Variants in MTUS2 observed in about 807,000 individuals in gnomAD.
MTUS2 encodes microtubule-associated tumor suppressor candidate 2.
In MTUS2, 40 loss-of-function variants were observed where a neutral mutation model predicts 114.1. The ratio of observed to expected loss-of-function variants is 0.35; its 90% CI spans 0.27 to 0.46. The LOEUF (loss-of-function observed/expected upper bound fraction) is 0.46. Ranked by LOEUF, MTUS2 falls within the 20% of genes least tolerant of loss-of-function variation. The probability of loss-of-function intolerance (pLI) is 1.00; values close to 1 mark genes in which losing one functional copy is unlikely to be tolerated. For synonymous variants in MTUS2, 688 were observed against 672.0 expected, an observed-to-expected ratio of 1.02 and a Z score of -0.37; for missense variants, 1,679 against 1,705.4, an observed-to-expected ratio of 0.98 and a Z score of 0.27.
At chr13:29,196,316 T>A (rs1042474396) in intron 5 of MTUS2, among the ~76,000 whole-genome samples, 4 of 152,194 alleles carry the variant, frequency 2.6e-5, no homozygotes, top group African/African-American at 7.2e-5. Context: ...CAGGCTGGTC[T>A]CGAACTCCTG....
chr13:28,956,384 G>A (rs983965917), intron 2 of MTUS2, among the ~76,000 whole-genome samples: 1 of 152,102 alleles, frequency 6.6e-6, no homozygotes, highest in African/African-American at 2.4e-5. Flanking sequence ...CAGTTCAATA[G>A]GGCGGCAGCA....
chr13:29,403,147 T>C (rs939282685), intron 8 of MTUS2, among the ~76,000 whole-genome samples: 1 of 152,214 alleles, frequency 6.6e-6, no homozygotes, highest in Non-Finnish European at 1.5e-5. Flanking sequence ...TATCCTCCAA[T>C]TCAAATTAAG....
intron 7 of MTUS2, among the ~76,000 whole-genome samples, chr13:29,338,163 G>C (rs1449777804): frequency 6.6e-6 from 1 of 151,998 alleles, no homozygotes; most frequent in East Asian, 1.9e-4. Flanking sequence ...ATGATACACA[G>C]TTTTCCCCGA....
chr13:29,370,098 C>T (rs1298152123), intron 8 of MTUS2, among the ~76,000 whole-genome samples: 1 of 152,052 alleles, frequency 6.6e-6, no homozygotes, highest in African/African-American at 2.4e-5. Flanking sequence ...GCCTATAATC[C>T]CAGCACTTTG....
At chr13:29,297,348 G>A (rs1358044266) in intron 6 of MTUS2, among the ~76,000 whole-genome samples, 5 of 152,008 alleles carry the variant, frequency 3.3e-5, no homozygotes, top group Admixed American at 2.0e-4. Flanking sequence ...TTTTAAAAAA[G>A]ATACGTTTGT....
intron 2 of MTUS2, among the ~76,000 whole-genome samples, chr13:28,922,541 C>T (rs1436318853): frequency 6.6e-6 from 1 of 152,156 alleles, no homozygotes; most frequent in Non-Finnish European, 1.5e-5. Context: ...ATGCCTGGTC[C>T]AAATGCTCCC....
At chr13:29,274,102 TTTTGTTTGTTTG>T (rs58871176) in intron 5 of MTUS2, among the ~76,000 whole-genome samples, 2 of 151,794 alleles carry the variant, frequency 1.3e-5, no homozygotes, top group Non-Finnish European at 2.9e-5. Flanking sequence ...TTGTTTTTTG[TTTTGTTTGTTTG>T]TTTGTTTGTT....
chr13:29,183,001 G>A (rs1346157143), intron 5 of MTUS2, among the ~76,000 whole-genome samples: 1 of 152,144 alleles, frequency 6.6e-6, no homozygotes, highest in Non-Finnish European at 1.5e-5. Context: ...CCCACCGAAG[G>A]CCCTTTGGCC....
At chr13:29,105,323 G>A (rs1192215199) in intron 5 of MTUS2, among the ~76,000 whole-genome samples, 2 of 152,048 alleles carry the variant, frequency 1.3e-5, no homozygotes, top group South Asian at 2.1e-4. Flanking sequence ...ATGTGCGGAG[G>A]GAAAATAGGA....
chr13:29,137,432 T>A (rs1352034599), intron 5 of MTUS2, among the ~76,000 whole-genome samples: 1 of 152,060 alleles, frequency 6.6e-6, no homozygotes, highest in Non-Finnish European at 1.5e-5. Context: ...TTTCTTCATA[T>A]ATTCTCTCTA....
At chr13:29,432,053 A>G (rs1201042291) in intron 8 of MTUS2, among the ~76,000 whole-genome samples, 2 of 125,318 alleles carry the variant, frequency 1.6e-5, no homozygotes, top group Non-Finnish European at 3.2e-5. Flanking sequence ...GGGTCTCGCT[A>G]TATTGCCCAA....
chr13:29,251,861 C>T (rs1365159752), intron 5 of MTUS2, among the ~76,000 whole-genome samples: 1 of 152,140 alleles, frequency 6.6e-6, no homozygotes. Flanking sequence ...GTTGTTTCCA[C>T]CTTTTGGCTA....
At chr13:29,256,606 CAT>C (rs1179594560) in intron 5 of MTUS2, among the ~76,000 whole-genome samples, 2 of 152,228 alleles carry the variant, frequency 1.3e-5, no homozygotes, top group African/African-American at 4.8e-5. Context: ...AAGATAGACT[CAT>C]ATTTCATTGG....
At chr13:29,259,992 A>G (rs1017992082) in intron 5 of MTUS2, among the ~76,000 whole-genome samples, 4 of 152,252 alleles carry the variant, frequency 2.6e-5, no homozygotes, top group Non-Finnish European at 5.9e-5. Context: ...CCCGGTGACC[A>G]TGGAACCCAG....
At chr13:29,013,338 T>A (rs1378740785) in intron 2 of MTUS2, among the ~76,000 whole-genome samples, 2 of 152,202 alleles carry the variant, frequency 1.3e-5, no homozygotes, top group East Asian at 3.8e-4. Context: ...TCACCGACTC[T>A]TGGTGGTCAA....
At chr13:29,284,821 A>G (rs1593260951) in intron 6 of MTUS2, among the ~76,000 whole-genome samples, 1 of 152,336 alleles carries the variant, frequency 6.6e-6, no homozygotes, top group Middle Eastern at 3.4e-3. Context: ...CTTTAAAACA[A>G]TATTCTCAGC....
intron 6 of MTUS2, among the ~76,000 whole-genome samples, chr13:29,292,945 T>A (rs891464890): frequency 6.6e-6 from 1 of 152,186 alleles, no homozygotes; most frequent in African/African-American, 2.4e-5. Context: ...TTAAAGACTT[T>A]AATTCTGTAA....
chr13:29,383,065 C>G (rs1165619450), intron 8 of MTUS2, among the ~76,000 whole-genome samples: 1 of 151,940 alleles, frequency 6.6e-6, no homozygotes, highest in African/African-American at 2.4e-5. Flanking sequence ...AATATTGGGC[C>G]ACAGAGTCTA....
intron 8 of MTUS2, among the ~76,000 whole-genome samples, chr13:29,367,851 G>T (rs1231472527): frequency 2.0e-5 from 3 of 151,930 alleles, no homozygotes; most frequent in African/African-American, 7.3e-5. Flanking sequence ...ACTGTACATT[G>T]TATGCATCAA....
Sources: allele counts gnomAD v4.1 joint callset (sites outside exome capture counted in the v4.1 genomes callset), GRCh38; gene constraint gnomAD v4.1.1; transcripts MANE v1.5; gene names NCBI Gene and HGNC (gene_info 2026-07-23, HGNC 2026-07-21).